Variants in ERBB4 observed in about 807,000 individuals in gnomAD.
ERBB4 encodes the protein receptor tyrosine-protein kinase erbB-4.
A neutral mutation model predicts 158.0 loss-of-function variants in ERBB4; 42 were observed. The ratio of observed to expected loss-of-function variants is 0.27; its 90% confidence interval spans 0.21 to 0.34. ERBB4 has a LOEUF of 0.34. Among genes scored for constraint, ERBB4 ranks in the 10% least tolerant of loss-of-function variants. The pLI, the probability that ERBB4 is intolerant of heterozygous loss-of-function variation, is 1.00. For synonymous variants in ERBB4, 583 were observed against 558.7 expected (o/e 1.04, Z -0.61); for missense variants, 1,333 against 1,624.1 (o/e 0.82, Z 3.08).
At chr2:211,875,470 C>T (rs1282939700) in intron 3 of ERBB4, among the ~76,000 whole-genome samples, 1 of 152,116 alleles carries the variant, frequency 6.6e-6, no homozygotes, top group Non-Finnish European at 1.5e-5. Flanking sequence ...GAAACAAGTA[C>T]CCAAATACAG....
intron 1 of ERBB4, among the ~76,000 whole-genome samples, chr2:212,401,799 C>T (rs555104131): frequency 1.3e-5 from 2 of 151,912 alleles, no homozygotes; most frequent in East Asian, 1.9e-4. Flanking sequence ...AACTAAAAGG[C>T]CACAAACATA....
At chr2:212,090,306 G>C (rs2125490876) in intron 2 of ERBB4, among the ~76,000 whole-genome samples, 1 of 152,226 alleles carries the variant, frequency 6.6e-6, no homozygotes, top group Admixed American at 6.5e-5. Flanking sequence ...TATTATAACA[G>C]TTATTCAATG....
At chr2:212,334,007 T>C (rs1036634166) in intron 1 of ERBB4, among the ~76,000 whole-genome samples, 2 of 152,046 alleles carry the variant, frequency 1.3e-5, no homozygotes, top group African/African-American at 4.8e-5. Flanking sequence ...AATTTCTTAA[T>C]ATTCCACTCA....
intron 1 of ERBB4, among the ~76,000 whole-genome samples, chr2:212,455,905 G>A (rs1332271957): frequency 6.6e-6 from 1 of 151,912 alleles, no homozygotes; most frequent in African/African-American, 2.4e-5. Flanking sequence ...ACCATGCTAG[G>A]TGCTGGGCAT....
intron 1 of ERBB4, among the ~76,000 whole-genome samples, chr2:212,360,350 A>G (rs1360298733): frequency 6.6e-6 from 1 of 151,630 alleles, no homozygotes; most frequent in Non-Finnish European, 1.5e-5. Flanking sequence ...CCTTTCCCAC[A>G]TCCTTGCCTT....
At chr2:212,372,576 C>T (rs1041406138) in intron 1 of ERBB4, among the ~76,000 whole-genome samples, 55 of 151,992 alleles carry the variant, frequency 3.6e-4, no homozygotes, top group African/African-American at 1.2e-3. Context: ...GATAAAACCC[C>T]GTATCTAGTA....
At chr2:212,073,975 A>AGCATTTGCGT (rs2078202386) in intron 2 of ERBB4, among the ~76,000 whole-genome samples, 1 of 152,066 alleles carries the variant, frequency 6.6e-6, no homozygotes, top group Non-Finnish European at 1.5e-5. Flanking sequence ...TGATCGAGAA[A>AGCATTTGCGT]GTATTCCTCA....
intron 1 of ERBB4, among the ~76,000 whole-genome samples, chr2:212,423,172 G>C (rs1189937715): frequency 6.6e-6 from 1 of 151,386 alleles, no homozygotes; most frequent in Non-Finnish European, 1.5e-5. Context: ...TAAGTGAAGG[G>C]GGCAAAAAAA....
intron 2 of ERBB4, among the ~76,000 whole-genome samples, chr2:212,090,540 A>G (rs188451315): frequency 4.5e-4 from 68 of 152,084 alleles, no homozygotes; most frequent in African/African-American, 1.6e-3. Flanking sequence ...TGTGCCTTCA[A>G]CTCCTGAAAA....
At chr2:211,395,219 G>T (rs2062885354) in intron 25 of ERBB4, among the ~76,000 whole-genome samples, 1 of 152,030 alleles carries the variant, frequency 6.6e-6, no homozygotes, top group African/African-American at 2.4e-5. Context: ...GTATATGATT[G>T]TATGTTTTGA....
intron 1 of ERBB4, among the ~76,000 whole-genome samples, chr2:212,357,423 G>A (rs1560103788): frequency 6.6e-6 from 1 of 151,794 alleles, no homozygotes; most frequent in Non-Finnish European, 1.5e-5. Context: ...CGAAGTATAA[G>A]CGGTGTACAA....
rs573689336 is a variant in ERBB4 at position 211,401,878 on chromosome 2, C to T, written c.3136-13886G>A. Among the ~76,000 whole-genome samples, 4 of 151,692 alleles carry T rather than the reference C, an allele frequency of 2.6e-5. No homozygotes were observed. In the South Asian group the frequency reaches 6.2e-4, roughly 24 times the overall value. On this transcript the variant is annotated intron_variant, in intron 25 of 27. Transcript: ENST00000342788. ...TAAATAGCAAACAAACAAAAAAGTA[C>T]TAGAAAGGTAAGAAAAACCTCTTTT...
At chr2:211,533,019 ATATAT>A (rs1244223528) in intron 20 of ERBB4, among the ~76,000 whole-genome samples, 3 of 75,940 alleles carry the variant, frequency 4.0e-5, no homozygotes, top group African/African-American at 9.3e-5. Context: ...TGACATTAAC[ATATAT>A]TATAAATAAT....
intron 1 of ERBB4, among the ~76,000 whole-genome samples, chr2:212,464,892 TCACACACA>T (rs148243973): frequency 0.011 from 1,559 of 146,134 alleles, 29 homozygotes; most frequent in African/African-American, 0.036. Context: ...AAGGGAAACA[TCACACACA>T]CACACACACA....
chr2:211,562,128 T>G (rs572133773), intron 19 of ERBB4, 40 bp from the exon 20 acceptor site: 1 of 1,571,620 alleles, frequency 6.4e-7, no homozygotes, highest in Admixed American at 1.7e-5. Context: ...TCAACTCAAA[T>G]TTTCTTAGAT....
At chr2:211,428,092 A>T (rs2063669748) in intron 22 of ERBB4, among the ~76,000 whole-genome samples, 1 of 151,980 alleles carries the variant, frequency 6.6e-6, no homozygotes, top group South Asian at 2.1e-4. Context: ...CATTAGGACA[A>T]ATACCTAATG....
intron 1 of ERBB4, among the ~76,000 whole-genome samples, chr2:212,205,425 G>A (rs1229089415): frequency 6.6e-6 from 1 of 152,126 alleles, no homozygotes; most frequent in African/African-American, 2.4e-5. Flanking sequence ...GCAGAAAAAA[G>A]TAAAAGCACT....
At chr2:212,409,678 A>G (rs2091443798) in intron 1 of ERBB4, among the ~76,000 whole-genome samples, 1 of 152,136 alleles carries the variant, frequency 6.6e-6, no homozygotes, top group Non-Finnish European at 1.5e-5. Context: ...CATGCTGAGA[A>G]TTCATTAAGC....
chr2:211,773,629 TATATATATATATATATATAA>T (rs2075785272), intron 4 of ERBB4, among the ~76,000 whole-genome samples: 3 of 51,076 alleles, frequency 5.9e-5, no homozygotes, highest in East Asian at 2.8e-4. Context: ...TATATATATA[TATATATATATATATATATAA>T]TATATATACA....
Sources: gnomAD v4.1 joint callset for allele counts (sites outside exome capture counted in the v4.1 genomes callset) on GRCh38, gnomAD v4.1.1 for gene constraint, MANE v1.5 for transcripts, NCBI Gene and HGNC (gene_info 2026-07-23, HGNC 2026-07-21) for gene names.